RPS6KA5: variants seen among roughly 807,000 people sequenced by gnomAD.
RPS6KA5 encodes ribosomal protein S6 kinase alpha-5.
A neutral mutation model predicts 85.5 loss-of-function variants in RPS6KA5; 27 were observed. The observed-to-expected ratio is 0.32, with a 90% confidence interval of 0.23 to 0.44. The LOEUF (loss-of-function observed/expected upper bound fraction) is 0.44. Ranked by LOEUF, RPS6KA5 falls within the 20% of genes least tolerant of loss-of-function variation. RPS6KA5 has a pLI of 1.00. For missense variants in RPS6KA5, 811 were observed against 980.9 expected (o/e 0.83, Z 2.31); for synonymous variants, 334 against 348.2 (o/e 0.96, Z 0.46).
chr14:91,016,176 TG>T (rs1344745824), intron 1 of RPS6KA5, among the ~76,000 whole-genome samples: 6 of 152,192 alleles, frequency 3.9e-5, no homozygotes, highest in Non-Finnish European at 1.5e-5. Flanking sequence ...ACAATTATGT[TG>T]TCATATAAAA....
At chr14:91,057,483 A>G (rs534383536) in intron 1 of RPS6KA5, among the ~76,000 whole-genome samples, 1 of 152,008 alleles carries the variant, frequency 6.6e-6, no homozygotes, top group East Asian at 1.9e-4. Context: ...CTTACAGTCT[A>G]ATCTGTATTA....
At chr14:91,011,157 A>G (rs1310266630) in intron 1 of RPS6KA5, among the ~76,000 whole-genome samples, 3 of 152,158 alleles carry the variant, frequency 2.0e-5, no homozygotes, top group Non-Finnish European at 4.4e-5. Context: ...AAATGTATAA[A>G]AGAATGGACA....
Position 90,849,015 on chromosome 14 carries a change from A to G in RPS6KA5, c.*23059T>C, listed in dbSNP as rs1038143203. ...TCCACCGCACTCCAGCCTGGGCAACAGAGCAAGGCCGCATCTCTAAAAAGT... is the reference window on the plus strand; with the variant it reads ...TCCACCGCACTCCAGCCTGGGCAACGGAGCAAGGCCGCATCTCTAAAAAGT... On this transcript the variant is annotated 3_prime_UTR_variant, in exon 17 of 17. Coordinates refer to ENST00000614987, the MANE Select transcript of RPS6KA5 (RefSeq NM_004755.4). The G allele has an allele frequency of 6.6e-6, 1 of 152,332 alleles. No individual in the cohort carries two copies. Among genetic ancestry groups the G allele is most frequent in the Non-Finnish European group, 1.5e-5 (1 of 68,036 alleles). 9.4% of individuals were successfully genotyped at this position (152,332 alleles called of 1,614,324 possible). A position where few individuals can be genotyped will look rare whatever the true frequency, so the allele number is the denominator to read the frequency against.
At chr14:90,948,552 G>A (rs538470013) in intron 3 of RPS6KA5, among the ~76,000 whole-genome samples, 2 of 151,954 alleles carry the variant, frequency 1.3e-5, no homozygotes, top group Non-Finnish European at 2.9e-5. Flanking sequence ...AAAATTAATC[G>A]GGCGTGGTGG....
intron 7 of RPS6KA5, among the ~76,000 whole-genome samples, chr14:90,915,681 C>T (rs186113301): frequency 8.0e-4 from 121 of 152,008 alleles, no homozygotes; most frequent in African/African-American, 2.8e-3. Context: ...GTGGCATGTG[C>T]CTGTAATCGA....
chr14:90,903,014 ATG>A, intron 8 of RPS6KA5, 45 bp from the exon 9 acceptor site: 1 of 1,525,714 alleles, frequency 6.6e-7, no homozygotes, highest in Non-Finnish European at 9.0e-7. Context: ...AATAGTCAAA[ATG>A]TACTTTCTAA....
At chr14:90,877,471 C>G (rs142675381) in intron 14 of RPS6KA5, among the ~76,000 whole-genome samples, 8 of 152,296 alleles carry the variant, frequency 5.3e-5, no homozygotes, top group Admixed American at 5.2e-4. Context: ...CCCAACCTCA[C>G]TTCTTCCCTC....
intron 1 of RPS6KA5, among the ~76,000 whole-genome samples, chr14:91,046,182 T>C (rs971655013): frequency 5.3e-5 from 8 of 152,184 alleles, no homozygotes; most frequent in African/African-American, 1.9e-4. Flanking sequence ...TTAGGTATTA[T>C]ACAATAAGCG....
chr14:91,005,234 C>T, intron 1 of RPS6KA5, among the ~76,000 whole-genome samples: 1 of 152,202 alleles, frequency 6.6e-6, no homozygotes, highest in East Asian at 1.9e-4. Flanking sequence ...TGACAGTCTA[C>T]TATTTTTCCA....
chr14:90,948,422 C>T (rs1360029883), intron 3 of RPS6KA5, among the ~76,000 whole-genome samples: 2 of 152,144 alleles, frequency 1.3e-5, no homozygotes, highest in Non-Finnish European at 2.9e-5. Flanking sequence ...CTGAGCCGGG[C>T]GCAGTGGCTC....
At chr14:90,931,229 ACATGCTACAG>A (rs1387967033) in intron 5 of RPS6KA5, among the ~76,000 whole-genome samples, 4 of 152,218 alleles carry the variant, frequency 2.6e-5, no homozygotes, top group Non-Finnish European at 5.9e-5. Context: ...AAATCTTGTC[ACATGCTACAG>A]CATGCATGAA....
chr14:90,879,710 T>C (rs1389867494), intron 14 of RPS6KA5, among the ~76,000 whole-genome samples: 1 of 152,160 alleles, frequency 6.6e-6, no homozygotes, highest in African/African-American at 2.4e-5. Context: ...TAACATAATA[T>C]GACACAAGTA....
chr14:90,984,963 G>A (rs753517362), intron 2 of RPS6KA5, among the ~76,000 whole-genome samples: 4 of 148,896 alleles, frequency 2.7e-5, no homozygotes, highest in Non-Finnish European at 5.9e-5. Flanking sequence ...TTTTTGAGAC[G>A]GAGTTTTGCT....
intron 1 of RPS6KA5, among the ~76,000 whole-genome samples, chr14:91,038,642 T>G (rs566885204): frequency 1.7e-4 from 26 of 152,158 alleles, no homozygotes; most frequent in Non-Finnish European, 3.2e-4. Flanking sequence ...ACCAACAATA[T>G]GACACAGCAG....
chr14:90,900,747 G>T lies in RPS6KA5; in HGVS notation c.1120-11C>A. The stretch of plus-strand genomic sequence containing the variant: ...AACAAAGGAATAGCCCTAAAAACAA[G>T]ACAAAGAAAGATAAAGAAAAACAAC... On this transcript the variant is annotated splice_polypyrimidine_tract_variant and intron_variant, in intron 9 of 16. Coordinates refer to ENST00000614987, the MANE Select transcript of RPS6KA5 (RefSeq NM_004755.4). The T allele has an allele frequency of 6.3e-7, 1 of 1,597,396 alleles. No homozygotes were observed. The highest frequency in any genetic ancestry group is 8.5e-7 in the Non-Finnish European group (1 of 1,173,450).
At chr14:90,930,564 C>G (rs1208008155) in intron 5 of RPS6KA5, among the ~76,000 whole-genome samples, 3 of 151,924 alleles carry the variant, frequency 2.0e-5, no homozygotes, top group Non-Finnish European at 2.9e-5. Flanking sequence ...TTAAAAACTT[C>G]TGAATATCGA....
chr14:90,930,278 T>TA (rs2036905185), intron 5 of RPS6KA5, among the ~76,000 whole-genome samples: 1 of 152,214 alleles, frequency 6.6e-6, no homozygotes, highest in South Asian at 2.1e-4. Flanking sequence ...CTTGGGAACT[T>TA]AGTTATATGA....
intron 1 of RPS6KA5, among the ~76,000 whole-genome samples, chr14:91,056,007 C>T (rs1272113796): frequency 1.3e-5 from 2 of 152,158 alleles, no homozygotes; most frequent in Non-Finnish European, 2.9e-5. Flanking sequence ...TTGACTTCAA[C>T]TTCATGAGGG....
chr14:91,032,789 A>G (rs1187925152), intron 1 of RPS6KA5, among the ~76,000 whole-genome samples: 2 of 19,670 alleles, frequency 1.0e-4, no homozygotes, highest in Admixed American at 5.6e-4. Flanking sequence ...AATTCATAGA[A>G]AAAAAAAAAG....
Sources: gnomAD v4.1 joint callset for allele counts (sites outside exome capture counted in the v4.1 genomes callset) on GRCh38, gnomAD v4.1.1 for gene constraint, MANE v1.5 for transcripts, NCBI Gene and HGNC (gene_info 2026-07-23, HGNC 2026-07-21) for gene names.